ETV5: variants seen among roughly 807,000 people sequenced by gnomAD.
ETV5 encodes the protein ETS translocation variant 5.
ETV5 carries 10 observed loss-of-function variants against 70.0 expected under a neutral mutation model. That is an observed-to-expected ratio of 0.14 (90% CI 0.09 to 0.24). The LOEUF (loss-of-function observed/expected upper bound fraction) is 0.24. ETV5 is among the 10% of genes least tolerant of loss of function. ETV5 has a pLI of 1.00. For missense variants in ETV5, 453 were observed against 651.2 expected (o/e 0.70, Z 3.31); for synonymous variants, 216 against 242.2 (o/e 0.89, Z 1.01).
chr3:186,050,216 A>T (rs1047647623), intron 12 of ETV5, among the ~76,000 whole-genome samples: 1 of 152,018 alleles, frequency 6.6e-6, no homozygotes, highest in African/African-American at 2.4e-5. Flanking sequence ...ACTTTCCTCA[A>T]ATCATACAGC....
intron 11 of ETV5, among the ~76,000 whole-genome samples, chr3:186,053,164 C>T (rs1259263434): frequency 6.6e-6 from 1 of 152,102 alleles, no homozygotes; most frequent in Non-Finnish European, 1.5e-5. Flanking sequence ...TGCAGTGGCA[C>T]GATCATGGCT....
At chr3:186,080,212 C>T in intron 6 of ETV5, 108 bp from the exon 7 acceptor site, 1 of 875,284 alleles carries the variant, frequency 1.1e-6, no homozygotes, top group Non-Finnish European at 1.6e-6. Context: ...CAGGAAATAA[C>T]AGCATTAACA....
chr3:186,071,987 ACAGGGTTTCACCACGTTGGC>A (rs1286480946), intron 7 of ETV5, among the ~76,000 whole-genome samples: 1 of 151,300 alleles, frequency 6.6e-6, no homozygotes, highest in African/African-American at 2.4e-5. Flanking sequence ...GTTAGTAGAG[ACAGGGTTTCACCACGTTGGC>A]CAGGCTGGTT....
In ETV5 at chr3:186,046,501, GA is replaced by G; in HGVS notation, c.*2137del. 4.3e-6 allele frequency: 1 copy of G among 231,244 alleles called. No individual in the cohort carries two copies. Among genetic ancestry groups the G allele is most frequent in the Non-Finnish European group, 8.6e-6 (1 of 116,952 alleles). 14.3% of individuals were successfully genotyped at this position (231,244 alleles called of 1,614,324 possible). On this transcript the variant is annotated 3_prime_UTR_variant, in exon 13 of 13. Coordinates refer to ENST00000306376, the MANE Select transcript of ETV5 (RefSeq NM_004454.3). ...AACAAACAAACCCCAAAGAACCCCC[GA>G]AAAAAACAAAAACCATCCGGGAGGT...
At chr3:186,095,349 G>A (rs1334736557) in intron 5 of ETV5, 3 of 152,190 alleles carry the variant, frequency 2.0e-5, no homozygotes, top group Non-Finnish European at 4.4e-5. Flanking sequence ...TAAACCTTAA[G>A]CTTTAACAAC....
At chr3:186,078,281 T>C in intron 7 of ETV5, 1 of 808,018 alleles carries the variant, frequency 1.2e-6, no homozygotes, top group Non-Finnish European at 1.5e-6. Flanking sequence ...CAGTTCATGG[T>C]ATAACAAATA....
At chr3:186,065,456 A>G (rs529806323) in intron 8 of ETV5, among the ~76,000 whole-genome samples, 13 of 152,266 alleles carry the variant, frequency 8.5e-5, no homozygotes, top group Admixed American at 2.0e-4. Flanking sequence ...TCCCATAACC[A>G]ACTGGTGCCT....
chr3:186,095,654 C>T (rs2150153509), intron 5 of ETV5, among the ~76,000 whole-genome samples: 1 of 152,368 alleles, frequency 6.6e-6, no homozygotes, highest in South Asian at 2.1e-4. Context: ...TGCAGTCTTA[C>T]TGGGAAACAT....
chr3:186,078,757 T>A (rs540126163), intron 7 of ETV5, among the ~76,000 whole-genome samples: 2 of 152,078 alleles, frequency 1.3e-5, no homozygotes, highest in Non-Finnish European at 2.9e-5. Context: ...TCGTGTTCCT[T>A]GGCCTAACCA....
intron 1 of ETV5, among the ~76,000 whole-genome samples, chr3:186,108,139 T>G (rs1469382904): frequency 3.3e-5 from 1 of 30,322 alleles, no homozygotes; most frequent in South Asian, 1.1e-3. Context: ...CCCCAACATC[T>G]CTCCCTGGCA....
At chr3:186,078,922 C>G in intron 7 of ETV5, 1 of 334,304 alleles carries the variant, frequency 3.0e-6, no homozygotes, top group Admixed American at 5.6e-5. Context: ...TGGTAGGCAT[C>G]TGGAATGGAC....
chr3:186,058,902 A>T (rs1334915048), intron 9 of ETV5, among the ~76,000 whole-genome samples: 1 of 151,754 alleles, frequency 6.6e-6, no homozygotes. Context: ...AATCCCAGCT[A>T]CCTGGGAGGC....
rs192057120 is a variant in ETV5 at position 186,047,130 on chromosome 3, C to T, written c.*1509G>A. 2.2e-5 allele frequency: 5 copies of T among 228,880 alleles called. No individual in the cohort carries two copies. The highest frequency in any genetic ancestry group is 3.5e-5 in the Non-Finnish European group (4 of 115,040). The allele number at this position is 228,880 out of a possible 1,614,324, so 14.2% of individuals were successfully genotyped here. ...GTCATTCTTAATGTACTAAGTGTCA[C>T]GGGGAGCACAGAATTCTACCAGCAG... On this transcript the variant is annotated 3_prime_UTR_variant, in exon 13 of 13. Coordinates refer to ENST00000306376, the MANE Select transcript of ETV5 (RefSeq NM_004454.3).
At chr3:186,060,554 G>A (rs1713279230) in intron 9 of ETV5, among the ~76,000 whole-genome samples, 1 of 152,202 alleles carries the variant, frequency 6.6e-6, no homozygotes, top group Non-Finnish European at 1.5e-5. Context: ...CTTAAGGCAG[G>A]ATGGCTATCT....
chr3:186,086,736 C>G (rs1001539927), intron 5 of ETV5, among the ~76,000 whole-genome samples: 1 of 151,212 alleles, frequency 6.6e-6, no homozygotes, highest in Admixed American at 6.6e-5. Context: ...TAGGGCAGAT[C>G]GCTTGAGCCC....
rs1457499380 is a variant in ETV5 at position 186,081,638 on chromosome 3, A to T, written c.233-463T>A. Among the ~76,000 whole-genome samples, 4 of 152,256 alleles carry T rather than the reference A, an allele frequency of 2.6e-5. No individual in the cohort carries two copies. In the East Asian group the frequency reaches 7.7e-4, roughly 29 times the overall value. On this transcript the variant is annotated intron_variant, in intron 5 of 12. Transcript: ENST00000306376. Reference sequence around the variant, plus strand: ...GCAAATATATTTCTTATTCAGATGCATATTTACAAATTAAATATAGAATTT... The same window carrying T: ...GCAAATATATTTCTTATTCAGATGCTTATTTACAAATTAAATATAGAATTT...
chr3:186,101,867 CAG>C lies in ETV5; in HGVS notation c.232+3436_232+3437del, dbSNP rs537031278. Among the ~76,000 whole-genome samples the C allele has an allele frequency of 3.0e-4, 45 of 152,318 alleles. 1 individual carries two copies. In the South Asian group the frequency reaches 8.9e-3, roughly 30 times the overall value. On this transcript the variant is annotated intron_variant, in intron 5 of 12. Transcript: ENST00000306376. Reference sequence around the variant, plus strand: ...TCCAACTCAAGCAATCTGAGATCTTCAGAGTTACTTCTTAGGACCAAGGGACA... The same window carrying C: ...TCCAACTCAAGCAATCTGAGATCTTCAGTTACTTCTTAGGACCAAGGGACA...
At chr3:186,081,382 T>A (rs905975796) in intron 5 of ETV5, among the ~76,000 whole-genome samples, 7 of 152,226 alleles carry the variant, frequency 4.6e-5, no homozygotes, top group African/African-American at 1.2e-4. Context: ...AGTATCATCA[T>A]CTGATACTTT....
At chr3:186,050,537 C>T (rs973658901) in intron 12 of ETV5, among the ~76,000 whole-genome samples, 1 of 151,968 alleles carries the variant, frequency 6.6e-6, no homozygotes, top group Non-Finnish European at 1.5e-5. Flanking sequence ...ATGGGTATGG[C>T]GTTTCTTTTT....
Sources: allele counts gnomAD v4.1 joint callset (sites outside exome capture counted in the v4.1 genomes callset), GRCh38; gene constraint gnomAD v4.1.1; transcripts MANE v1.5; gene names NCBI Gene and HGNC (gene_info 2026-07-23, HGNC 2026-07-21).